Variants in EFCC1 observed in about 807,000 individuals in gnomAD.
EFCC1 encodes EF-hand and coiled-coil domain containing 1, also known as EF-hand and coiled-coil domain-containing protein 1.
A neutral mutation model predicts 52.1 loss-of-function variants in EFCC1; 50 were observed. The ratio of observed to expected loss-of-function variants is 0.96; its 90% CI spans 0.76 to 1.21. The LOEUF (loss-of-function observed/expected upper bound fraction) is 1.21, where lower values mean the gene tolerates loss of function less well. EFCC1 is among the 50% of genes most tolerant of loss of function. EFCC1 has a pLI of 0.00. For missense variants in EFCC1, 837 were observed against 867.3 expected, an observed-to-expected ratio of 0.97 and a Z score of 0.44; for synonymous variants, 399 against 396.5, an observed-to-expected ratio of 1.01 and a Z score of -0.08.
chr3:129,040,171 C>G lies in EFCC1; in HGVS notation c.*323C>G. 1 of 306,764 alleles carries G rather than the reference C, an allele frequency of 3.3e-6. No homozygotes were observed. Among genetic ancestry groups the G allele is most frequent in the Non-Finnish European group, 6.0e-6 (1 of 167,482 alleles). 19.0% of individuals were successfully genotyped at this position (306,764 alleles called of 1,614,324 possible). A position where few individuals can be genotyped will look rare whatever the true frequency, so the allele number is the denominator to read the frequency against. On this transcript the variant is annotated 3_prime_UTR_variant, in exon 8 of 8. Coordinates refer to ENST00000683648, the MANE Select transcript of EFCC1 (RefSeq NM_001377500.1). The surrounding 1 kb of genome is among the most constrained non-coding windows in gnomAD (Gnocchi z 4.4). ...CCTGCCCTCAGGGCAGAGATGCCCA[C>G]TTTCTGACTGAGTCTGACCCCAAAT...
intron 2 of EFCC1, among the ~76,000 whole-genome samples, chr3:129,023,131 T>C (rs1217781886): frequency 6.6e-6 from 1 of 152,196 alleles, no homozygotes. Flanking sequence ...TTTATCTGAG[T>C]AAAGAACAAG....
chr3:129,032,094 C>T (rs1946284160), intron 3 of EFCC1, among the ~76,000 whole-genome samples: 2 of 152,122 alleles, frequency 1.3e-5, no homozygotes, highest in South Asian at 2.1e-4. Flanking sequence ...TGGGAGCCCA[C>T]CGTCAAGGCC....
rs1217312462 is a variant in EFCC1, at chr3:129,001,910, C to G, written c.282C>G (p.Thr94=). Residue 94 remains threonine (T), a synonymous_variant, in exon 1 of 8, where the codon ACC becomes ACG. Transcript: ENST00000683648. Reference sequence around the variant, plus strand: ...TGGGGCTGCGCGCGGAGGGGGCCACCACGGCCGGGCAGGCAGCAGGTGACG... The same window carrying G: ...TGGGGCTGCGCGCGGAGGGGGCCACGACGGCCGGGCAGGCAGCAGGTGACG... The part of the protein sequence containing the change: ...AVLGLRAEGA[T]TAGQAAGDGN... 6.5e-7 allele frequency: 1 copy of G among 1,538,566 alleles called. No individual in the cohort carries two copies. Among genetic ancestry groups the G allele is most frequent in the African/African-American group, 1.4e-5 (1 of 71,842 alleles).
At chr3:129,013,756 C>T (rs57286718) in intron 2 of EFCC1, among the ~76,000 whole-genome samples, 11,019 of 152,244 alleles carry the variant, frequency 0.072, 1,149 homozygotes, top group African/African-American at 0.22. Flanking sequence ...AAAACATTCC[C>T]GCCATTGGCC....
intron 7 of EFCC1, among the ~76,000 whole-genome samples, chr3:129,039,273 C>T (rs1576788207): frequency 2.0e-5 from 3 of 152,334 alleles, no homozygotes; most frequent in African/African-American, 7.2e-5. Context: ...TGGCCACGCC[C>T]GAGGCTGGGG....
At chr3:129,037,782 T>C (rs1946374379) in intron 6 of EFCC1, among the ~76,000 whole-genome samples, 1 of 151,886 alleles carries the variant, frequency 6.6e-6, no homozygotes, top group Admixed American at 6.6e-5. Context: ...CAGATGTGGC[T>C]GGGCCTGGTG....
At chr3:129,024,153 G>A (rs1037905309) in intron 2 of EFCC1, among the ~76,000 whole-genome samples, 1 of 152,196 alleles carries the variant, frequency 6.6e-6, no homozygotes, top group African/African-American at 2.4e-5. Flanking sequence ...CCACACGAGG[G>A]CTCTAGGAGC....
chr3:129,027,296 G>C (rs911283567), intron 2 of EFCC1, among the ~76,000 whole-genome samples: 1 of 152,158 alleles, frequency 6.6e-6, no homozygotes, highest in Non-Finnish European at 1.5e-5. Flanking sequence ...CGGGGAGCTG[G>C]CCATGGGGAG....
chr3:129,019,027 C>A (rs534386628), intron 2 of EFCC1, among the ~76,000 whole-genome samples: 2 of 152,216 alleles, frequency 1.3e-5, no homozygotes, highest in Non-Finnish European at 2.9e-5. Flanking sequence ...CTCCCCCACA[C>A]CACCGTGCAG....
intron 2 of EFCC1, among the ~76,000 whole-genome samples, chr3:129,019,086 G>A (rs1195678777): frequency 1.3e-5 from 2 of 152,204 alleles, no homozygotes; most frequent in Non-Finnish European, 2.9e-5. Context: ...GGGTCTTGTG[G>A]AGACACATAA....
chr3:129,039,972 CT>C lies in EFCC1; in HGVS notation c.*125del. The stretch of plus-strand genomic sequence containing the variant: ...CACATCATCAGAACTTGAGTCTCTG[CT>C]GGCTCCTTCCAAGGTTAAGCCCGAG... On this transcript the variant is annotated 3_prime_UTR_variant, in exon 8 of 8. Transcript: ENST00000683648. 1 of 1,312,636 alleles carries C rather than the reference CT, an allele frequency of 7.6e-7. No homozygotes were observed. The highest frequency in any genetic ancestry group is 1.0e-6 in the Non-Finnish European group (1 of 994,518). The allele number at this position is 1,312,636 out of a possible 1,614,324, so 81.3% of individuals were successfully genotyped here. A position where few individuals can be genotyped will look rare whatever the true frequency, so the allele number is the denominator to read the frequency against.
At position 129,038,885 on chromosome 3, in the gene EFCC1, A is replaced by G. The variant is rs377257335; in HGVS notation, c.1648A>G (p.Arg550Gly). ...TTTGCTGAGCACGCTGGACGCTTTCAGGGACCCCACCCACGGTAGGAGAGC... is the reference window on the plus strand; with the variant it reads ...TTTGCTGAGCACGCTGGACGCTTTCGGGGACCCCACCCACGGTAGGAGAGC... ...KILLSTLDAF[R>G]DPTHEGRPSP... The change falls in exon 7 of 8, where the codon AGG (arginine) becomes GGG (glycine). Residue 550 changes from arginine to glycine, a missense_variant. By Grantham distance (125) the Arg-to-Gly change is moderately radical. Transcript: ENST00000683648. 35 of 1,613,842 alleles carry G rather than the reference A, an allele frequency of 2.2e-5. No individual in the cohort carries two copies. The highest frequency in any genetic ancestry group is 1.7e-5 in the Admixed American group (1 of 60,008).
At chr3:129,019,763 ACT>A (rs1491243921) in intron 2 of EFCC1, among the ~76,000 whole-genome samples, 16 of 113,008 alleles carry the variant, frequency 1.4e-4, no homozygotes, top group Admixed American at 1.2e-3. Flanking sequence ...GATTAAATTT[ACT>A]TTTTTTTTTT....
At chr3:129,036,880 C>T (rs745470124) in intron 5 of EFCC1, 97 bp from the exon 6 acceptor site, 1 of 1,581,252 alleles carries the variant, frequency 6.3e-7, no homozygotes, top group Non-Finnish European at 8.6e-7. Context: ...TTCTCTGGGC[C>T]TCAGCACCAG....
intron 2 of EFCC1, among the ~76,000 whole-genome samples, chr3:129,023,614 G>A (rs532466271): frequency 1.2e-4 from 19 of 152,188 alleles, no homozygotes; most frequent in Non-Finnish European, 1.9e-4. Flanking sequence ...TTACAGGCGT[G>A]AGCCACCGCG....
intron 5 of EFCC1, among the ~76,000 whole-genome samples, chr3:129,035,658 G>C (rs985015242): frequency 6.6e-6 from 1 of 152,228 alleles, no homozygotes; most frequent in Non-Finnish European, 1.5e-5. Context: ...CTTCCAGTGA[G>C]ATCGGGTCTG....
At chr3:129,026,293 C>T (rs182062519) in intron 2 of EFCC1, among the ~76,000 whole-genome samples, 3 of 152,286 alleles carry the variant, frequency 2.0e-5, no homozygotes, top group African/African-American at 4.8e-5. Flanking sequence ...TTTAAACAGG[C>T]CCCTGGGGGT....
At chr3:129,002,429 A>T in intron 1 of EFCC1, 105 bp downstream of exon 1, 3 of 1,417,644 alleles carry the variant, frequency 2.1e-6, no homozygotes, top group Non-Finnish European at 2.7e-6. Flanking sequence ...GGAAGGGGAG[A>T]CAGAGGGCAG....
Position 129,002,012 on chromosome 3 carries a change from GGCGCGCCTGGCGCT to G in EFCC1, c.392_405del (p.Leu131ArgfsTer61), listed in dbSNP as rs1014090050. 4.5e-6 allele frequency: 7 copies of G among 1,545,644 alleles called. No individual in the cohort carries two copies. The highest frequency in any genetic ancestry group is 4.1e-5 in the African/African-American group (3 of 72,328). ...ACGGGGACTCAGATACCGATGAAGA[GGCGCGCCTGGCGCT>G]GCGCGCCGAGCCGCCGGAGCTCACC... is the stretch of plus-strand genomic sequence containing the variant. On this transcript the variant is annotated frameshift_variant, in exon 1 of 8. Coordinates refer to ENST00000683648, the MANE Select transcript of EFCC1 (RefSeq NM_001377500.1). LOFTEE classifies it high-confidence loss of function.
Sources: gnomAD v4.1 joint callset for allele counts (sites outside exome capture counted in the v4.1 genomes callset) on GRCh38, gnomAD v4.1.1 for gene constraint, Gnocchi (gnomAD v3.1) non-coding constraint, MANE v1.5 for transcripts, NCBI Gene and HGNC (gene_info 2026-07-23, HGNC 2026-07-21) for gene names.